The following TRIML1 variants were observed in gnomAD, a reference collection of about 807,000 sequenced individuals.
The protein encoded by TRIML1 is tripartite motif family like 1, also known as probable E3 ubiquitin-protein ligase TRIML1.
Under a neutral mutation model 32.3 loss-of-function variants are expected in TRIML1, and 34 were observed. The ratio of observed to expected loss-of-function variants is 1.05; its 90% confidence interval spans 0.80 to 1.40. TRIML1 has a LOEUF of 1.40. TRIML1 is among the 40% of genes most tolerant of loss of function. The probability of loss-of-function intolerance (pLI) is 0.00; values close to 1 mark genes in which losing one functional copy is unlikely to be tolerated. For missense variants in TRIML1, 595 were observed against 574.9 expected, an observed-to-expected ratio of 1.03 and a Z score of -0.36; for synonymous variants, 244 against 226.6, an observed-to-expected ratio of 1.08 and a Z score of -0.69.
Position 188,141,456 on chromosome 4 carries a change from G to A in TRIML1, c.505-796G>A, listed in dbSNP as rs577956067. 9.2e-5 allele frequency among the ~76,000 whole-genome samples: 14 copies of A among 152,050 alleles called. No individual in the cohort carries two copies. The East Asian group carries it at 2.3e-3, about 25-fold the overall frequency. ...GCTGGGATTACAGGTGTGAGCCACC[G>A]TGCTTGGCCGTAGACTTTGAATTCT... On this transcript the variant is annotated intron_variant, in intron 2 of 5. Coordinates refer to ENST00000332517, the MANE Select transcript of TRIML1 (RefSeq NM_178556.5).
Position 188,140,597 on chromosome 4 carries a change from GA to G in TRIML1, c.479del (p.Glu160GlyfsTer5). ...RKEAQAVLTH[E>X]KERVKLCQEE... is the part of the protein sequence containing the mutation. ...GGAAGCTCAGGCTGTACTAACCCAT[GA>G]GAAGGAGAGAGTGAAACTGTGCCAG... On this transcript the variant is annotated frameshift_variant, in exon 2 of 6. Transcript: ENST00000332517. LOFTEE classifies it high-confidence loss of function. The G allele has an allele frequency of 6.2e-7, 1 of 1,613,942 alleles. No individual in the cohort carries two copies. Among genetic ancestry groups the G allele is most frequent in the Non-Finnish European group, 8.5e-7 (1 of 1,179,852 alleles).
rs767847324 is a variant in TRIML1, at chr4:188,139,914, G to A, written c.356G>A (p.Ser119Asn). 3.1e-6 allele frequency: 5 copies of A among 1,613,746 alleles called. No individual in the cohort carries two copies. Among genetic ancestry groups the A allele is most frequent in the Non-Finnish European group, 4.2e-6 (5 of 1,179,992 alleles). The change falls in exon 1 of 6, where the codon AGC (serine) becomes AAC (asparagine). Residue 119 changes from serine to asparagine, a missense_variant. Ser to Asn is a conservative substitution (Grantham distance 46). Coordinates refer to ENST00000332517, the MANE Select transcript of TRIML1 (RefSeq NM_178556.5). ...GGTGGAAGCGCCTTCGTAGCCCAGA[G>A]CCATGGTGCAAACAGAGTGCATCTC... ...EQGGSAFVAQ[S>N]HGANRVHLSS...
At chr4:188,140,714 C>G in intron 2 of TRIML1, 91 bp downstream of exon 2, 1 of 939,014 alleles carries the variant, frequency 1.1e-6, no homozygotes, top group Non-Finnish European at 1.7e-6. Context: ...AAAAAAAAGA[C>G]AAATTTTTCC....
At chr4:188,144,710 C>G (rs886722640) in intron 5 of TRIML1, among the ~76,000 whole-genome samples, 2 of 152,018 alleles carry the variant, frequency 1.3e-5, no homozygotes, top group Admixed American at 6.6e-5. Context: ...TTCCATCCCC[C>G]CCTTGCACGT....
chr4:188,150,759 A>G (rs1046237018), downstream of TRIML1, among the ~76,000 whole-genome samples: 1 of 151,322 alleles, frequency 6.6e-6, no homozygotes, highest in Non-Finnish European at 1.5e-5. Context: ...AGGGCCTGCC[A>G]CTGATGAGGT....
chr4:188,140,106 G>A (rs1734796841), intron 1 of TRIML1, 140 bp downstream of exon 1: 1 of 834,110 alleles, frequency 1.2e-6, no homozygotes, highest in Admixed American at 3.1e-5. Flanking sequence ...CGTGGGTCCA[G>A]TTTACACCCT....
chr4:188,143,994 C>G, intron 4 of TRIML1, 42 bp from the exon 5 acceptor site: 1 of 1,609,344 alleles, frequency 6.2e-7, no homozygotes, highest in Non-Finnish European at 8.5e-7. Flanking sequence ...GAGCAGGTCA[C>G]GCGGTCTGTG....
intron 2 of TRIML1, among the ~76,000 whole-genome samples, chr4:188,141,679 G>C (rs1040607614): frequency 4.6e-5 from 7 of 152,042 alleles, no homozygotes; most frequent in African/African-American, 1.7e-4. Flanking sequence ...TAGAACGACC[G>C]CCTCCTGGGA....
Position 188,142,674 on chromosome 4 carries a change from CAT to C in TRIML1, c.735+193_735+194del, listed in dbSNP as rs1734909291. On this transcript the variant is annotated intron_variant, in intron 3 of 5. Transcript: ENST00000332517. ...AGAGAGAGAGAGAAAAAAAAAAACA[CAT>C]CCAGAGGAATAACTATCCCAAACAA... is the stretch of plus-strand genomic sequence containing the variant. Among the ~76,000 whole-genome samples the C allele has an allele frequency of 2.7e-5, 4 of 150,932 alleles. No homozygotes were observed. The East Asian group carries it at 5.8e-4, about 22-fold the overall frequency.
In TRIML1 at chr4:188,139,635, C is replaced by A; in HGVS notation, c.77C>A (p.Pro26Gln). 6.2e-7 allele frequency: 1 copy of A among 1,614,004 alleles called. No homozygotes were observed. The highest frequency in any genetic ancestry group is 8.5e-7 in the Non-Finnish European group (1 of 1,179,942). The change falls in exon 1 of 6, where the codon CCA (proline) becomes CAA (glutamine). Residue 26 changes from proline to glutamine, a missense_variant. By Grantham distance (76) the Pro-to-Gln change is moderately conservative (BLOSUM62 -1). Coordinates refer to ENST00000332517, the MANE Select transcript of TRIML1 (RefSeq NM_178556.5). ...ATCTGCTTAGACTATTTCAGCAGCC[C>A]AGTGACCACCGAGTGTGGGCACAGC... is the stretch of plus-strand genomic sequence containing the variant. ...CFICLDYFSS[P>Q]VTTECGHSFC... is the part of the protein sequence containing the mutation.
chr4:188,140,702 A>G (rs1734821522), intron 2 of TRIML1, 79 bp downstream of exon 2: 4 of 807,346 alleles, frequency 5.0e-6, no homozygotes, highest in Non-Finnish European at 7.3e-6. Context: ...AAATATCAGG[A>G]AAAAAAAAAG....
rs1468268886 is a variant in TRIML1, at chr4:188,142,346, T to A, written c.599T>A (p.Leu200Gln). ...GAGGAGCAGCTGCAACTCCAGCTAC[T>A]AGAACAGGAAGAGAAAGAGAACATG... is the stretch of plus-strand genomic sequence containing the variant. ...KEEEQLQLQL[L>Q]EQEEKENMRK... Residue 200 changes from leucine (L) to glutamine (Q), a missense_variant, in exon 3 of 6, where the codon CTA (leucine) becomes CAA (glutamine). Coordinates refer to ENST00000332517, the MANE Select transcript of TRIML1 (RefSeq NM_178556.5). 6.2e-7 allele frequency: 1 copy of A among 1,613,172 alleles called. No homozygotes were observed.
At chr4:188,149,490 G>A (rs959586331), downstream of TRIML1, among the ~76,000 whole-genome samples, 6 of 98,704 alleles carry the variant, frequency 6.1e-5, no homozygotes, top group Non-Finnish European at 1.4e-4. Context: ...GCCTTAAAAA[G>A]AGGTCTGTGA....
chr4:188,150,490 G>C (rs1207549342), downstream of TRIML1, among the ~76,000 whole-genome samples: 2 of 152,116 alleles, frequency 1.3e-5, no homozygotes, highest in African/African-American at 4.8e-5. Flanking sequence ...GAAACAAAAT[G>C]ATAAAAAGCA....
At chr4:188,140,221 C>T (rs992773249) in intron 1 of TRIML1, among the ~76,000 whole-genome samples, 8 of 151,902 alleles carry the variant, frequency 5.3e-5, no homozygotes, top group Admixed American at 3.3e-4. Context: ...CCCAGGTTCA[C>T]GCCATTCTCC....
At chr4:188,143,899 G>C in intron 4 of TRIML1, 39 bp downstream of exon 4, 1 of 1,613,998 alleles carries the variant, frequency 6.2e-7, no homozygotes. Flanking sequence ...CAAGCTGCGG[G>C]GCAGTGGTGC....
chr4:188,139,379 C>T, upstream of TRIML1: 1 of 561,654 alleles, frequency 1.8e-6, no homozygotes, highest in Admixed American at 3.5e-5. Flanking sequence ...TCATAATTGG[C>T]TTTGTGTTGG....
chr4:188,140,946 G>C (rs1734831209), intron 2 of TRIML1: 1 of 181,882 alleles, frequency 5.5e-6, no homozygotes, highest in Admixed American at 6.1e-5. Flanking sequence ...ATTTTAAAAA[G>C]AAATATCTCA....
At position 188,144,030 on chromosome 4, in the gene TRIML1, TTG is replaced by T. The variant is rs1734961887; in HGVS notation, c.759-5_759-4del. Reference sequence around the variant, plus strand: ...CCGAGGAGTGAACCTCTCTGCTCTCTTGCAGGAGCGAGCCACTCTTGCTTCAG... The same window carrying T: ...CCGAGGAGTGAACCTCTCTGCTCTCTCAGGAGCGAGCCACTCTTGCTTCAG... On this transcript the variant is annotated splice_region_variant and splice_polypyrimidine_tract_variant and intron_variant, in intron 4 of 5. Transcript: ENST00000332517. 1 of 1,613,488 alleles carries T rather than the reference TTG, an allele frequency of 6.2e-7. No homozygotes were observed. Among genetic ancestry groups the T allele is most frequent in the African/African-American group, 1.3e-5 (1 of 74,910 alleles).
Sources: gnomAD v4.1 joint callset for allele counts (sites outside exome capture counted in the v4.1 genomes callset) on GRCh38, gnomAD v4.1.1 for gene constraint, MANE v1.5 for transcripts, NCBI Gene and HGNC (gene_info 2026-07-23, HGNC 2026-07-21) for gene names.